The following GRM4 variants were observed in gnomAD, a reference collection of about 807,000 sequenced individuals.
GRM4 encodes the protein metabotropic glutamate receptor 4.
Under a neutral mutation model 81.7 loss-of-function variants are expected in GRM4, and 28 were observed. The ratio of observed to expected loss-of-function variants is 0.34; its 90% CI spans 0.25 to 0.47. The LOEUF (loss-of-function observed/expected upper bound fraction) is 0.47. Among genes scored for constraint, GRM4 ranks in the 20% least tolerant of loss-of-function variants. The pLI is 1.00. For missense variants in GRM4, 948 were observed against 1,290.0 expected, an observed-to-expected ratio of 0.73 and a Z score of 4.06; for synonymous variants, 488 against 528.8, an observed-to-expected ratio of 0.92 and a Z score of 1.06.
intron 2 of GRM4, among the ~76,000 whole-genome samples, chr6:34,105,257 C>T (rs1460203925): frequency 6.6e-6 from 1 of 152,116 alleles, no homozygotes; most frequent in African/African-American, 2.4e-5. Context: ...GAGAGGAGGC[C>T]CCCCTGGGGC....
chr6:34,037,159 G>A (rs1764755572), intron 8 of GRM4, among the ~76,000 whole-genome samples: 1 of 152,252 alleles, frequency 6.6e-6, no homozygotes, highest in African/African-American at 2.4e-5. Flanking sequence ...AAACAGCAGG[G>A]AGTTGGATTC....
intron 2 of GRM4, among the ~76,000 whole-genome samples, chr6:34,100,990 T>A (rs2395555): frequency 6.6e-6 from 1 of 151,954 alleles, no homozygotes; most frequent in African/African-American, 2.4e-5. Context: ...TTTGAGGGTT[T>A]TTTGTTATGG....
In GRM4 at chr6:34,036,395, C is replaced by T. The variant is rs1001514187; in HGVS notation, c.1715G>A (p.Gly572Asp). 5.6e-6 allele frequency: 9 copies of T among 1,612,058 alleles called. No individual in the cohort carries two copies. The highest frequency in any genetic ancestry group is 7.6e-6 in the Non-Finnish European group (9 of 1,178,526). Residue 572 changes from glycine (G) to aspartate (D), a missense_variant, in exon 9 of 11, where the codon GGC becomes GAC. Gly to Asp is a moderately conservative substitution (Grantham distance 94, BLOSUM62 -1). Coordinates refer to ENST00000538487, the MANE Select transcript of GRM4 (RefSeq NM_000841.4). The surrounding 1 kb of genome is among the most constrained non-coding windows in gnomAD (Gnocchi z 9.0). Reference protein sequence around the residue: ...YDMRPTENRTGCRPIPIIKLE... With the variant: ...YDMRPTENRTDCRPIPIIKLE... Reference sequence around the variant, plus strand: ...CTTGATGATGGGGATGGGCCGGCAGCCCGTGCGGTTCTCTGTGGGCCGCAT... The same window carrying T: ...CTTGATGATGGGGATGGGCCGGCAGTCCGTGCGGTTCTCTGTGGGCCGCAT...
At chr6:34,104,930 G>A (rs1561815868) in intron 2 of GRM4, among the ~76,000 whole-genome samples, 1 of 152,162 alleles carries the variant, frequency 6.6e-6, no homozygotes, top group Non-Finnish European at 1.5e-5. Flanking sequence ...GCGGGGCTGG[G>A]AAAACCTCAG....
chr6:34,155,322 G>T (rs1228039369), exon 1 of GRM4: 9 of 1,522,732 alleles, frequency 5.9e-6, no homozygotes, highest in Non-Finnish European at 7.9e-6. Context: ...CGATGCAGAG[G>T]CGTAGAGGGG....
At position 34,136,606 on chromosome 6, in the gene GRM4, G is replaced by A. The variant is rs1213567674; in HGVS notation, c.-363-2747C>T. On this transcript the variant is annotated intron_variant, in intron 1 of 10. Coordinates refer to ENST00000538487, the MANE Select transcript of GRM4 (RefSeq NM_000841.4). The surrounding 1 kb of genome is among the most constrained non-coding windows in gnomAD (Gnocchi z 4.1). ...CACACACACACACACACACACACAC[G>A]GGGAAGGACAGATGCCATGGGGGAA... is the stretch of plus-strand genomic sequence containing the variant. Among the ~76,000 whole-genome samples the A allele has an allele frequency of 1.9e-5, 2 of 103,842 alleles. No individual in the cohort carries two copies. Among genetic ancestry groups the A allele is most frequent in the African/African-American group, 8.0e-5 (2 of 24,872 alleles). The allele number at this position is 103,842 out of a possible 152,430, so 68.1% of individuals were successfully genotyped here.
Position 34,136,890 on chromosome 6 carries a change from A to T in GRM4, c.-363-3031T>A, listed in dbSNP as rs1400315723. ...ACAGGAACAAGGGAAAAGTAAAAAT[A>T]CCCCATGAGTGAAAGGAGCCACTGA... On this transcript the variant is annotated intron_variant, in intron 1 of 10. Coordinates refer to ENST00000538487, the MANE Select transcript of GRM4 (RefSeq NM_000841.4). This position sits in a 1 kb window ranked among gnomAD's most constrained non-coding sequence, Gnocchi z 4.1. Among the ~76,000 whole-genome samples the T allele has an allele frequency of 7.8e-6, 1 of 129,024 alleles. No homozygotes were observed. Among genetic ancestry groups the T allele is most frequent in the African/African-American group, 2.9e-5 (1 of 34,958 alleles). 84.6% of individuals were successfully genotyped at this position (129,024 alleles called of 152,430 possible).
In GRM4 at chr6:34,020,739, A is replaced by G. The variant is rs1369359514; in HGVS notation, c.*2082T>C. ...ATTGAGCATCTACTAGGTGCTGCAC[A>G]CAGACCCCAGGGAAGAAGAGATTTC... On this transcript the variant is annotated 3_prime_UTR_variant, in exon 11 of 11. Coordinates refer to ENST00000538487, the MANE Select transcript of GRM4 (RefSeq NM_000841.4). 6.6e-6 allele frequency: 1 copy of G among 152,190 alleles called. No homozygotes were observed. The highest frequency in any genetic ancestry group is 2.4e-5 in the African/African-American group (1 of 41,416). The allele number at this position is 152,190 out of a possible 1,614,324, so 9.4% of individuals were successfully genotyped here. A position where few individuals can be genotyped will look rare whatever the true frequency, so the allele number is the denominator to read the frequency against.
At chr6:34,110,861 A>G in intron 2 of GRM4, 1 of 1,319,886 alleles carries the variant, frequency 7.6e-7, no homozygotes, top group Non-Finnish European at 9.6e-7. Context: ...TCAGGCCTGG[A>G]GGTGAGGAGA....
At chr6:34,027,053 G>A (rs1764166913) in intron 10 of GRM4, among the ~76,000 whole-genome samples, 1 of 152,104 alleles carries the variant, frequency 6.6e-6, no homozygotes, top group Non-Finnish European at 1.5e-5. Context: ...GGAGTCCCAT[G>A]GGCCCCTCTG....
In GRM4 at chr6:34,022,904, C is replaced by T. The variant is rs778415553; in HGVS notation, c.2690-34G>A. 3.2e-6 allele frequency: 5 copies of T among 1,580,828 alleles called. No homozygotes were observed. Among genetic ancestry groups the T allele is most frequent in the Middle Eastern group, 1.7e-4 (1 of 6,010 alleles). ...AGAGAGACCAGGGGTACCCAGGAGTCAGGGGCTGCTTTTCTCAAACTGTCC... is the reference window on the plus strand; with the variant it reads ...AGAGAGACCAGGGGTACCCAGGAGTTAGGGGCTGCTTTTCTCAAACTGTCC... On this transcript the variant is annotated intron_variant, in intron 10 of 10. Coordinates refer to ENST00000538487, the MANE Select transcript of GRM4 (RefSeq NM_000841.4). This position sits in a 1 kb window ranked among gnomAD's most constrained non-coding sequence, Gnocchi z 5.6.
chr6:34,025,312 G>A lies in GRM4; in HGVS notation c.2690-2442C>T, dbSNP rs528015720. On this transcript the variant is annotated intron_variant, in intron 10 of 10. Transcript: ENST00000538487. ...GTGAGAATCAATTCCCCAGAGCTCC[G>A]TCACCCCCTGGGGGAACTGATAAAA... 5.3e-5 allele frequency among the ~76,000 whole-genome samples: 8 copies of A among 152,174 alleles called. No homozygotes were observed. The South Asian group carries it at 1.5e-3, about 28-fold the overall frequency.
chr6:34,103,450 G>A, intron 2 of GRM4: 1 of 706,486 alleles, frequency 1.4e-6, no homozygotes, highest in Non-Finnish European at 2.5e-6. Flanking sequence ...TGCAGGCTCA[G>A]AGGCAGGGCC....
intron 2 of GRM4, among the ~76,000 whole-genome samples, chr6:34,125,715 C>A (rs910282992): frequency 1.7e-4 from 26 of 152,370 alleles, no homozygotes; most frequent in African/African-American, 5.8e-4. Context: ...CCAGGGTTCC[C>A]CTCCTTCCAC....
Position 34,136,076 on chromosome 6 carries a change from G to A in GRM4, c.-363-2217C>T, listed in dbSNP as rs77456506. Among the ~76,000 whole-genome samples, 2,545 of 152,328 alleles carry A rather than the reference G, an allele frequency of 0.017. 55 individuals carry two copies. Among genetic ancestry groups the A allele is most frequent in the East Asian group, 0.11 (586 of 5,178 alleles). ...GTCCAAATGCCGACGGTGCCTCGTG[G>A]AGAAATCACAGCAAAAGACAACCAC... is the stretch of plus-strand genomic sequence containing the variant. On this transcript the variant is annotated intron_variant, in intron 1 of 10. Coordinates refer to ENST00000538487, the MANE Select transcript of GRM4 (RefSeq NM_000841.4). The surrounding 1 kb of genome is among the most constrained non-coding windows in gnomAD (Gnocchi z 4.1).
chr6:34,102,857 C>A (rs6936419), intron 2 of GRM4, among the ~76,000 whole-genome samples: 57,188 of 152,150 alleles, frequency 0.38, 11,872 homozygotes, highest in Non-Finnish European at 0.48. Context: ...AAGCCCAAAG[C>A]CTCAGGGCCT....
chr6:34,153,167 C>G (rs1012147479), intron 1 of GRM4, among the ~76,000 whole-genome samples: 6 of 152,146 alleles, frequency 3.9e-5, no homozygotes, highest in Non-Finnish European at 7.4e-5. Flanking sequence ...CAGGGCTCCC[C>G]GACGCACACA....
chr6:34,144,319 C>G (rs1024858109), intron 1 of GRM4, among the ~76,000 whole-genome samples: 1 of 152,176 alleles, frequency 6.6e-6, no homozygotes, highest in Non-Finnish European at 1.5e-5. Flanking sequence ...CTGCGAGCGC[C>G]GGGGAAGACC....
At chr6:34,124,864 C>T (rs1769961424) in intron 2 of GRM4, among the ~76,000 whole-genome samples, 1 of 152,174 alleles carries the variant, frequency 6.6e-6, no homozygotes, top group Admixed American at 6.5e-5. Flanking sequence ...CAGCCTTCAC[C>T]TCAGCCCTTC....
Sources: gnomAD v4.1 joint callset for allele counts (sites outside exome capture counted in the v4.1 genomes callset) on GRCh38, gnomAD v4.1.1 for gene constraint, Gnocchi (gnomAD v3.1) non-coding constraint, MANE v1.5 for transcripts, NCBI Gene and HGNC (gene_info 2026-07-23, HGNC 2026-07-21) for gene names.